ROPN1L: variants seen among roughly 807,000 people sequenced by gnomAD.
ROPN1L encodes the protein ropporin-1-like protein.
ROPN1L carries 23 observed loss-of-function variants against 22.7 expected under a neutral mutation model. The ratio of observed to expected loss-of-function variants is 1.01; its 90% CI spans 0.73 to 1.43. The LOEUF is 1.43. Among genes scored for constraint, ROPN1L ranks in the 40% most tolerant of loss-of-function variants. The pLI, the probability that ROPN1L is intolerant of heterozygous loss-of-function variation, is 0.00. For synonymous variants in ROPN1L, 116 were observed against 117.8 expected, an observed-to-expected ratio of 0.98 and a Z score of 0.10; for missense variants, 271 against 291.5, an observed-to-expected ratio of 0.93 and a Z score of 0.51.
intron 1 of ROPN1L, among the ~76,000 whole-genome samples, chr5:10,445,026 G>A (rs919494482): frequency 3.9e-5 from 6 of 152,116 alleles, no homozygotes; most frequent in Non-Finnish European, 5.9e-5. Context: ...CCAGGCTGGA[G>A]TGCACTGGTG....
At chr5:10,460,074 G>C (rs957541286) in intron 3 of ROPN1L, among the ~76,000 whole-genome samples, 2 of 152,304 alleles carry the variant, frequency 1.3e-5, no homozygotes, top group South Asian at 4.1e-4. Context: ...TCGAGGTGGG[G>C]ACTGAGGGGA....
At chr5:10,473,661 G>T (rs536082916), downstream of ROPN1L, among the ~76,000 whole-genome samples, 1 of 152,238 alleles carries the variant, frequency 6.6e-6, no homozygotes, top group East Asian at 1.9e-4. Context: ...AGTCCAAAGG[G>T]GACACCAGAA....
chr5:10,442,198 C>T lies in ROPN1L; in HGVS notation c.31C>T (p.Gln11Ter). 1.2e-6 allele frequency: 2 copies of T among 1,613,796 alleles called. No individual in the cohort carries two copies. Among genetic ancestry groups the T allele is most frequent in the South Asian group, 1.1e-5 (1 of 91,078 alleles). Residue 11 changes from glutamine (Q) to a stop codon, truncating the protein, a stop_gained, in exon 1 of 5, where the codon CAG becomes TAG. Transcript: ENST00000274134. LOFTEE classifies it high-confidence loss of function. MPLPDTMFCAQQIHIPPELPD... is the reference protein window; with the variant it reads MPLPDTMFCA ...GCTTCCCGACACCATGTTCTGCGCT[C>T]AGCAGATCCACATTCCCCCGGAGCT...
At chr5:10,445,503 G>T (rs1033367522) in intron 1 of ROPN1L, among the ~76,000 whole-genome samples, 5 of 152,160 alleles carry the variant, frequency 3.3e-5, no homozygotes, top group Non-Finnish European at 2.9e-5. Flanking sequence ...AGAGATTGGG[G>T]CTTGGGTGGG....
intron 3 of ROPN1L, among the ~76,000 whole-genome samples, chr5:10,455,023 G>C (rs1028642553): frequency 3.9e-5 from 6 of 152,112 alleles, no homozygotes; most frequent in African/African-American, 1.4e-4. Flanking sequence ...ACAACTCCTC[G>C]GGACGATCAT....
chr5:10,464,378 C>T (rs1735110839), intron 4 of ROPN1L, among the ~76,000 whole-genome samples: 1 of 152,230 alleles, frequency 6.6e-6, no homozygotes, highest in Non-Finnish European at 1.5e-5. Flanking sequence ...ACAGCCTCTG[C>T]TTCTGCACCG....
chr5:10,467,234 A>G (rs1265151319), downstream of ROPN1L, among the ~76,000 whole-genome samples: 1 of 151,926 alleles, frequency 6.6e-6, no homozygotes, highest in Non-Finnish European at 1.5e-5. Flanking sequence ...TCCCATAGAA[A>G]CATGCACTGG....
the ROPN1L span, among the ~76,000 whole-genome samples, chr5:10,479,995 C>T: frequency 5.5e-4 from 83 of 152,268 alleles, no homozygotes; most frequent in Non-Finnish European, 7.6e-4. Context: ...CCGCCTGCCT[C>T]GACCTCCCAA....
At chr5:10,447,682 G>C (rs948875779) in intron 1 of ROPN1L, among the ~76,000 whole-genome samples, 1 of 152,180 alleles carries the variant, frequency 6.6e-6, no homozygotes, top group Non-Finnish European at 1.5e-5. Flanking sequence ...TTCCAGACCA[G>C]CATGGGCAAT....
chr5:10,465,812 A>G, downstream of ROPN1L, among the ~76,000 whole-genome samples: 1 of 152,146 alleles, frequency 6.6e-6, no homozygotes, highest in East Asian at 1.9e-4. Flanking sequence ...AGATCGCGCC[A>G]CTGCACTAGA....
downstream of ROPN1L, among the ~76,000 whole-genome samples, chr5:10,475,737 C>A (rs774321675): frequency 1.3e-5 from 2 of 152,220 alleles, no homozygotes; most frequent in African/African-American, 2.4e-5. Flanking sequence ...ATTGTCCCAT[C>A]GCTCTGTTTC....
At chr5:10,457,147 C>T (rs1741446616) in intron 3 of ROPN1L, among the ~76,000 whole-genome samples, 2 of 152,196 alleles carry the variant, frequency 1.3e-5, no homozygotes, top group South Asian at 4.1e-4. Context: ...CCTGCAGCTC[C>T]ACGGAGCAGG....
chr5:10,456,551 A>T (rs1241803244), intron 3 of ROPN1L, among the ~76,000 whole-genome samples: 1 of 152,200 alleles, frequency 6.6e-6, no homozygotes, highest in Non-Finnish European at 1.5e-5. Flanking sequence ...CATATCGCAC[A>T]TGGGAGAATA....
At chr5:10,462,609 A>G (rs537945723) in intron 4 of ROPN1L, among the ~76,000 whole-genome samples, 2 of 152,322 alleles carry the variant, frequency 1.3e-5, no homozygotes, top group South Asian at 4.1e-4. Context: ...AAAGTGAGAT[A>G]GAGGCTGGGC....
chr5:10,481,658 G>A, the ROPN1L span, among the ~76,000 whole-genome samples: 2 of 152,218 alleles, frequency 1.3e-5, no homozygotes, highest in Admixed American at 6.5e-5. Context: ...TGTTTGCACT[G>A]GTTCCCTATG....
intron 4 of ROPN1L, among the ~76,000 whole-genome samples, chr5:10,462,593 T>C (rs150607942): frequency 6.6e-6 from 1 of 152,196 alleles, no homozygotes. Context: ...AATTGTAGCA[T>C]GTTAAAAAGT....
At chr5:10,461,148 A>G in intron 3 of ROPN1L, 36 bp from the exon 4 acceptor site, 1 of 1,584,602 alleles carries the variant, frequency 6.3e-7, no homozygotes. Context: ...GCCAGGAGTA[A>G]CTGTTTTTCT....
downstream of ROPN1L, among the ~76,000 whole-genome samples, chr5:10,465,454 G>A (rs559311653): frequency 2.0e-5 from 3 of 151,710 alleles, no homozygotes; most frequent in African/African-American, 7.3e-5. Flanking sequence ...GGCAGAGCTT[G>A]CAGTGAGCCG....
At chr5:10,444,191 G>T (rs1376181231) in intron 1 of ROPN1L, among the ~76,000 whole-genome samples, 2 of 152,174 alleles carry the variant, frequency 1.3e-5, no homozygotes, top group Non-Finnish European at 2.9e-5. Flanking sequence ...AAGAGTTTGT[G>T]CTGTACAAAA....
Sources: allele counts gnomAD v4.1 joint callset (sites outside exome capture counted in the v4.1 genomes callset), GRCh38; gene constraint gnomAD v4.1.1; transcripts MANE v1.5; gene names NCBI Gene and HGNC (gene_info 2026-07-23, HGNC 2026-07-21).